The following UBL3 variants were observed in gnomAD, a reference collection of about 807,000 sequenced individuals.
UBL3 encodes the protein ubiquitin-like protein 3.
Under a neutral mutation model 18.4 loss-of-function variants are expected in UBL3, and 6 were observed. The observed-to-expected ratio is 0.33, with a 90% CI of 0.18 to 0.64. UBL3 has a LOEUF of 0.64. Among genes scored for constraint, UBL3 ranks in the 30% least tolerant of loss-of-function variants. The pLI is 0.76. For missense variants in UBL3, 109 were observed against 142.9 expected (o/e 0.76, Z 1.21); for synonymous variants, 49 against 46.6 (o/e 1.05, Z -0.21).
intron 1 of UBL3, among the ~76,000 whole-genome samples, chr13:29,795,755 G>GGAA (rs747083957): frequency 1.5e-5 from 1 of 66,192 alleles, no homozygotes; most frequent in Non-Finnish European, 2.8e-5. Flanking sequence ...CCTCATCTCA[G>GGAA]AAAAAAAAAA....
Position 29,767,260 on chromosome 13 carries a change from G to A in UBL3, c.349C>T (p.Leu117=). 6.2e-7 allele frequency: 1 copy of A among 1,613,052 alleles called. No individual in the cohort carries two copies. The highest frequency in any genetic ancestry group is 8.5e-7 in the Non-Finnish European group (1 of 1,179,272). ...KTGESNCCVI[L] is the part of the protein sequence containing the mutation. ...TCACACTAGGCAGACAGTGTTTACA[G>A]GATTACACAACAATTACTCTCTCCA... Residue 117 remains leucine (L), a synonymous_variant, in exon 5 of 5, where the codon CTG becomes TTG. Transcript: ENST00000380680.
intron 1 of UBL3, among the ~76,000 whole-genome samples, chr13:29,808,488 T>C (rs1877953091): frequency 6.6e-6 from 1 of 152,284 alleles, no homozygotes; most frequent in African/African-American, 2.4e-5. Context: ...TACTACTTAA[T>C]AGCTGTGACA....
chr13:29,818,035 A>G (rs1439619110), intron 1 of UBL3, among the ~76,000 whole-genome samples: 2 of 152,234 alleles, frequency 1.3e-5, no homozygotes, highest in African/African-American at 2.4e-5. Flanking sequence ...AATTGCATTT[A>G]GTCCCCATTT....
chr13:29,788,822 T>C (rs1256848301), intron 1 of UBL3, among the ~76,000 whole-genome samples: 2 of 146,940 alleles, frequency 1.4e-5, no homozygotes, highest in African/African-American at 5.0e-5. Context: ...GGAATGGAGG[T>C]AGGGCTTAAT....
At chr13:29,839,850 C>T (rs1051769990) in intron 1 of UBL3, among the ~76,000 whole-genome samples, 6 of 150,824 alleles carry the variant, frequency 4.0e-5, no homozygotes, top group Admixed American at 2.0e-4. Context: ...TGGCGTGAAC[C>T]CGGGAGGCGG....
At chr13:29,786,236 C>A (rs184706165) in intron 1 of UBL3, among the ~76,000 whole-genome samples, 1 of 152,302 alleles carries the variant, frequency 6.6e-6, no homozygotes, top group Non-Finnish European at 1.5e-5. Context: ...TATGGACCTG[C>A]TTATTCTCCA....
chr13:29,772,600 C>A (rs1387438573), intron 2 of UBL3, among the ~76,000 whole-genome samples: 1 of 151,854 alleles, frequency 6.6e-6, no homozygotes, highest in Non-Finnish European at 1.5e-5. Flanking sequence ...ACATTTAAGG[C>A]TAGAAAACAG....
chr13:29,805,731 T>C (rs1481151428), intron 1 of UBL3, among the ~76,000 whole-genome samples: 2 of 152,210 alleles, frequency 1.3e-5, no homozygotes, highest in Non-Finnish European at 2.9e-5. Flanking sequence ...ATTATATACA[T>C]TTTCCATGCA....
chr13:29,764,376 A>T lies in UBL3; in HGVS notation c.*2879T>A, dbSNP rs899554196. On this transcript the variant is annotated 3_prime_UTR_variant, in exon 5 of 5. Coordinates refer to ENST00000380680, the MANE Select transcript of UBL3 (RefSeq NM_007106.4). ...AATAGGCAAATACACCAGAATTATGAATAGAAGCCATTTTAAAGAAGAGAA... is the reference window on the plus strand; with the variant it reads ...AATAGGCAAATACACCAGAATTATGTATAGAAGCCATTTTAAAGAAGAGAA... 8.5e-5 allele frequency: 13 copies of T among 152,362 alleles called. No individual in the cohort carries two copies. The East Asian group carries it at 2.5e-3, about 29-fold the overall frequency. The allele number at this position is 152,362 out of a possible 1,614,324, so 9.4% of individuals were successfully genotyped here.
intron 1 of UBL3, among the ~76,000 whole-genome samples, chr13:29,804,477 G>C (rs1265287301): frequency 6.6e-6 from 1 of 152,082 alleles, no homozygotes; most frequent in African/African-American, 2.4e-5. Context: ...GCCAAAATTA[G>C]AGCTGAAATG....
chr13:29,785,424 A>C (rs949951924), intron 1 of UBL3, among the ~76,000 whole-genome samples: 5 of 152,214 alleles, frequency 3.3e-5, no homozygotes, highest in African/African-American at 1.2e-4. Flanking sequence ...TGACATTTGA[A>C]AATGAATAGT....
At chr13:29,835,130 ATATATATATATATATATATATATATAT>A (rs1878911116) in intron 1 of UBL3, among the ~76,000 whole-genome samples, 1 of 5,002 alleles carries the variant, frequency 2.0e-4, no homozygotes, top group East Asian at 6.6e-3. Flanking sequence ...ATATAAATAT[ATATATATATATATATATATATATATAT>A]ATATATATAT....
intron 1 of UBL3, among the ~76,000 whole-genome samples, chr13:29,839,392 GA>G (rs1879037050): frequency 6.6e-6 from 1 of 152,174 alleles, no homozygotes; most frequent in Non-Finnish European, 1.5e-5. Flanking sequence ...TTTATTGAAT[GA>G]TAATAAAAAT....
chr13:29,838,173 C>T (rs1404809459), intron 1 of UBL3, among the ~76,000 whole-genome samples: 1 of 152,064 alleles, frequency 6.6e-6, no homozygotes, highest in Non-Finnish European at 1.5e-5. Context: ...TTAACATAAA[C>T]AGTGGCAGCC....
intron 1 of UBL3, among the ~76,000 whole-genome samples, chr13:29,819,823 G>A (rs760321484): frequency 1.2e-4 from 18 of 151,610 alleles, no homozygotes; most frequent in African/African-American, 3.9e-4. Flanking sequence ...ATTCATTAAC[G>A]TCAAAGGGCT....
chr13:29,795,755 GAAAAAAAAA>G (rs57782695), intron 1 of UBL3, among the ~76,000 whole-genome samples: 1 of 66,190 alleles, frequency 1.5e-5, no homozygotes, highest in African/African-American at 5.9e-5. Flanking sequence ...CCTCATCTCA[GAAAAAAAAA>G]AAAAAAAAAA....
intron 1 of UBL3, among the ~76,000 whole-genome samples, chr13:29,829,531 G>A (rs946417794): frequency 6.6e-5 from 10 of 152,322 alleles, no homozygotes; most frequent in East Asian, 5.8e-4. Flanking sequence ...TGCTAAGACC[G>A]TTGGAAAAAC....
chr13:29,771,789 T>C (rs1383005037), intron 3 of UBL3, among the ~76,000 whole-genome samples: 1 of 152,054 alleles, frequency 6.6e-6, no homozygotes, highest in Non-Finnish European at 1.5e-5. Flanking sequence ...AGTTTGTGTG[T>C]CCAGTCTTAA....
At chr13:29,784,202 G>T (rs1490333195) in intron 1 of UBL3, among the ~76,000 whole-genome samples, 1 of 152,112 alleles carries the variant, frequency 6.6e-6, no homozygotes, top group Non-Finnish European at 1.5e-5. Flanking sequence ...TATGTTTTTA[G>T]TTGGTCAGGA....
Sources: gnomAD v4.1 joint callset for allele counts (sites outside exome capture counted in the v4.1 genomes callset) on GRCh38, gnomAD v4.1.1 for gene constraint, MANE v1.5 for transcripts, NCBI Gene and HGNC (gene_info 2026-07-23, HGNC 2026-07-21) for gene names.